The following ABTB3 variants were observed in gnomAD, a reference collection of about 807,000 sequenced individuals.
ABTB3 encodes the protein ankyrin repeat and BTB domain containing 3.
the ABTB3 span, among the ~76,000 whole-genome samples, chr12:107,353,711 T>C: frequency 1.3e-5 from 2 of 152,222 alleles, no homozygotes; most frequent in East Asian, 1.9e-4. Context: ...AGTGTACAAG[T>C]GAGCATTACC....
chr12:107,453,975 A>G, the ABTB3 span, among the ~76,000 whole-genome samples: 1 of 152,212 alleles, frequency 6.6e-6, no homozygotes, highest in Non-Finnish European at 1.5e-5. Flanking sequence ...TGAGGGGTGG[A>G]AATCCAGGAA....
At chr12:107,463,000 G>A in the ABTB3 span, among the ~76,000 whole-genome samples, 5 of 150,660 alleles carry the variant, frequency 3.3e-5, no homozygotes, top group African/African-American at 9.8e-5. Context: ...AATGATGATA[G>A]AGTGATAGTG....
the ABTB3 span, among the ~76,000 whole-genome samples, chr12:107,328,067 G>A: frequency 6.6e-6 from 1 of 152,164 alleles, no homozygotes; most frequent in Non-Finnish European, 1.5e-5. Flanking sequence ...GATGTAAGGG[G>A]ACTGAAAATT....
the ABTB3 span, among the ~76,000 whole-genome samples, chr12:107,620,900 C>T: frequency 6.6e-6 from 1 of 152,208 alleles, no homozygotes; most frequent in Non-Finnish European, 1.5e-5. Flanking sequence ...GGCCCCAGCA[C>T]CAGCCCTCTC....
At chr12:107,478,068 T>C in the ABTB3 span, among the ~76,000 whole-genome samples, 3 of 152,190 alleles carry the variant, frequency 2.0e-5, no homozygotes, top group African/African-American at 7.2e-5. Flanking sequence ...CAACCTTGCA[T>C]TAAATGGTTC....
chr12:107,597,774 G>A, the ABTB3 span, among the ~76,000 whole-genome samples: 1 of 152,216 alleles, frequency 6.6e-6, no homozygotes, highest in South Asian at 2.1e-4. Context: ...GGCTGGTGGG[G>A]TGACTTCTCC....
the ABTB3 span, among the ~76,000 whole-genome samples, chr12:107,327,852 G>T: frequency 6.6e-6 from 1 of 152,208 alleles, no homozygotes; most frequent in Non-Finnish European, 1.5e-5. Context: ...TCTCATTCAT[G>T]TAGAGTCCAC....
the ABTB3 span, chr12:107,657,445 G>A: frequency 1.4e-6 from 2 of 1,389,474 alleles, no homozygotes; most frequent in South Asian, 1.2e-5. Context: ...AGCTCTGAAG[G>A]CATAATCTGA....
the ABTB3 span, among the ~76,000 whole-genome samples, chr12:107,366,822 T>A: frequency 6.6e-6 from 1 of 152,220 alleles, no homozygotes; most frequent in Non-Finnish European, 1.5e-5. Context: ...AGTTACTGAT[T>A]ATTCTTTCTG....
At chr12:107,320,048 C>A in the ABTB3 span, 1 of 1,527,274 alleles carries the variant, frequency 6.5e-7, no homozygotes, top group Non-Finnish European at 8.9e-7. Context: ...GCCCTACCAG[C>A]ACCTGATCTG....
At chr12:107,576,494 CCTCTT>C in the ABTB3 span, among the ~76,000 whole-genome samples, 51 of 152,306 alleles carry the variant, frequency 3.3e-4, no homozygotes, top group Middle Eastern at 3.4e-3. Flanking sequence ...GTCCTGATCT[CCTCTT>C]CTTCTAAGGA....
chr12:107,469,409 G>C, the ABTB3 span, among the ~76,000 whole-genome samples: 2 of 152,206 alleles, frequency 1.3e-5, no homozygotes, highest in Non-Finnish European at 2.9e-5. Context: ...GCAGGACCTT[G>C]GACAAGCTGT....
the ABTB3 span, among the ~76,000 whole-genome samples, chr12:107,624,500 C>T: frequency 1.3e-5 from 2 of 152,168 alleles, no homozygotes; most frequent in African/African-American, 4.8e-5. Context: ...CCACTTCCCT[C>T]CTGCCTCCAC....
the ABTB3 span, among the ~76,000 whole-genome samples, chr12:107,423,925 C>T: frequency 6.6e-6 from 1 of 152,212 alleles, no homozygotes; most frequent in South Asian, 2.1e-4. Context: ...TAGTTTTGTA[C>T]TTGCCTGAGT....
At chr12:107,542,676 A>C in the ABTB3 span, among the ~76,000 whole-genome samples, 2 of 152,200 alleles carry the variant, frequency 1.3e-5, no homozygotes, top group African/African-American at 4.8e-5. Flanking sequence ...CTTACTACTA[A>C]TATCCCACTG....
the ABTB3 span, among the ~76,000 whole-genome samples, chr12:107,409,651 A>G: frequency 6.6e-6 from 1 of 152,186 alleles, no homozygotes; most frequent in African/African-American, 2.4e-5. Flanking sequence ...GAGCTGAACA[A>G]TGAGAACACA....
the ABTB3 span, chr12:107,642,312 C>A: frequency 1.4e-6 from 1 of 691,706 alleles, no homozygotes; most frequent in Non-Finnish European, 2.5e-6. Context: ...GGCCCCTCCT[C>A]ACAGTGCCCC....
the ABTB3 span, among the ~76,000 whole-genome samples, chr12:107,473,150 A>T: frequency 6.6e-6 from 1 of 152,080 alleles, no homozygotes; most frequent in Non-Finnish European, 1.5e-5. Flanking sequence ...GGGCAAGATT[A>T]TTTTTTAATT....
the ABTB3 span, among the ~76,000 whole-genome samples, chr12:107,613,031 A>G: frequency 6.6e-6 from 1 of 152,150 alleles, no homozygotes; most frequent in Non-Finnish European, 1.5e-5. Flanking sequence ...TGGTGAGACC[A>G]CCTGACAGAT....
Sources: gnomAD v4.1 joint callset for allele counts (sites outside exome capture counted in the v4.1 genomes callset) on GRCh38, gnomAD v4.1.1 for gene constraint, MANE v1.5 for transcripts, NCBI Gene and HGNC (gene_info 2026-07-23, HGNC 2026-07-21) for gene names.